HCRTR2: variants seen among roughly 807,000 people sequenced by gnomAD.
HCRTR2 encodes the protein orexin receptor type 2.
Under a neutral mutation model 49.0 loss-of-function variants are expected in HCRTR2, and 22 were observed. The ratio of observed to expected loss-of-function variants is 0.45; its 90% CI spans 0.32 to 0.64. HCRTR2 has a LOEUF of 0.64. HCRTR2 is among the 30% of genes least tolerant of loss of function. The pLI, the probability that HCRTR2 is intolerant of heterozygous loss-of-function variation, is 0.04. For missense variants in HCRTR2, 491 were observed against 559.4 expected (o/e 0.88, Z 1.23); for synonymous variants, 236 against 205.3 (o/e 1.15, Z -1.28).
chr6:55,229,570 C>A (rs1372992497), intron 1 of HCRTR2, among the ~76,000 whole-genome samples: 3 of 152,074 alleles, frequency 2.0e-5, no homozygotes, highest in African/African-American at 7.2e-5. Flanking sequence ...AGAAGGGTAT[C>A]TTTCTGAATG....
chr6:55,196,946 G>A (rs2127281709), intron 1 of HCRTR2, among the ~76,000 whole-genome samples: 1 of 152,110 alleles, frequency 6.6e-6, no homozygotes, highest in South Asian at 2.1e-4. Context: ...AAATTTACCT[G>A]CAAGCCTGAT....
At chr6:55,216,958 T>C (rs575161604) in intron 1 of HCRTR2, among the ~76,000 whole-genome samples, 10 of 152,290 alleles carry the variant, frequency 6.6e-5, no homozygotes, top group African/African-American at 2.2e-4. Context: ...ACTCTTGCAT[T>C]CTGTATCCCT....
chr6:55,197,149 C>T (rs543473521), intron 1 of HCRTR2, among the ~76,000 whole-genome samples: 2 of 152,202 alleles, frequency 1.3e-5, no homozygotes, highest in Admixed American at 6.5e-5. Context: ...AATTAACTAA[C>T]AATTTTATCT....
At chr6:55,209,925 C>T (rs1026263439) in intron 1 of HCRTR2, among the ~76,000 whole-genome samples, 28 of 152,076 alleles carry the variant, frequency 1.8e-4, no homozygotes, top group African/African-American at 3.6e-4. Flanking sequence ...ACAATGTATT[C>T]GGTTAGAACA....
At chr6:55,241,978 C>A (rs1169592919) in intron 1 of HCRTR2, among the ~76,000 whole-genome samples, 2 of 150,298 alleles carry the variant, frequency 1.3e-5, no homozygotes, top group Non-Finnish European at 3.0e-5. Context: ...AAGCGATTCT[C>A]CTGCCTCAGC....
At chr6:55,136,688 T>C (rs1764439146) in intron 1 of HCRTR2, among the ~76,000 whole-genome samples, 1 of 152,176 alleles carries the variant, frequency 6.6e-6, no homozygotes, top group East Asian at 1.9e-4. Flanking sequence ...AATTCAAGTC[T>C]CCTGCATCCA....
chr6:55,238,624 A>G (rs1268034407), intron 1 of HCRTR2, among the ~76,000 whole-genome samples: 1 of 152,156 alleles, frequency 6.6e-6, no homozygotes, highest in African/African-American at 2.4e-5. Context: ...TGAAAGATAG[A>G]ACATCTATAA....
At chr6:55,152,854 A>G (rs145834252) in intron 1 of HCRTR2, among the ~76,000 whole-genome samples, 2 of 152,120 alleles carry the variant, frequency 1.3e-5, no homozygotes, top group East Asian at 3.9e-4. Context: ...ATTACATTAC[A>G]TAGGTTGACT....
At chr6:55,227,696 AATACTTGAT>A (rs1739657491) in intron 1 of HCRTR2, among the ~76,000 whole-genome samples, 1 of 152,206 alleles carries the variant, frequency 6.6e-6, no homozygotes, top group African/African-American at 2.4e-5. Flanking sequence ...CATGGTGCAT[AATACTTGAT>A]ATAAATTAGA....
At chr6:55,240,337 G>T (rs1385618381) in intron 1 of HCRTR2, among the ~76,000 whole-genome samples, 1 of 110,658 alleles carries the variant, frequency 9.0e-6, no homozygotes, top group East Asian at 3.0e-4. Context: ...CGGCCTGGAC[G>T]AAAGAGCGAG....
chr6:55,126,920 C>A (rs1474037428), intron 1 of HCRTR2, among the ~76,000 whole-genome samples: 2 of 152,102 alleles, frequency 1.3e-5, no homozygotes, highest in East Asian at 3.9e-4. Flanking sequence ...CTCCCTCTAC[C>A]AAGCTCAAGA....
chr6:55,268,840 C>A (rs1766912757), intron 4 of HCRTR2, among the ~76,000 whole-genome samples: 1 of 151,948 alleles, frequency 6.6e-6, no homozygotes, highest in Admixed American at 6.6e-5. Flanking sequence ...CCTGTAATCC[C>A]AGCACTTTGG....
chr6:55,126,870 G>A (rs890572690), intron 1 of HCRTR2, among the ~76,000 whole-genome samples: 20 of 152,136 alleles, frequency 1.3e-4, no homozygotes, highest in Non-Finnish European at 2.2e-4. Flanking sequence ...TACTGTGAGT[G>A]TAAAACTGCC....
At chr6:55,199,898 A>G (rs1765480917) in intron 1 of HCRTR2, among the ~76,000 whole-genome samples, 1 of 152,200 alleles carries the variant, frequency 6.6e-6, no homozygotes, top group Non-Finnish European at 1.5e-5. Context: ...TATTCACTGC[A>G]TACTATCAAT....
At chr6:55,135,726 G>A (rs1051217106) in intron 1 of HCRTR2, among the ~76,000 whole-genome samples, 2 of 152,154 alleles carry the variant, frequency 1.3e-5, no homozygotes. Flanking sequence ...ATTTACCCAT[G>A]TTATAGATGA....
chr6:55,283,675 G>T (rs190415486), downstream of HCRTR2, among the ~76,000 whole-genome samples: 1 of 152,208 alleles, frequency 6.6e-6, no homozygotes, highest in African/African-American at 2.4e-5. Context: ...AAAAGTAAAA[G>T]AAGTGTTTAT....
chr6:55,151,800 A>T (rs1244723650), intron 1 of HCRTR2, among the ~76,000 whole-genome samples: 1 of 151,928 alleles, frequency 6.6e-6, no homozygotes, highest in Non-Finnish European at 1.5e-5. Context: ...TCTTAAAAAA[A>T]AAAACACTTA....
At chr6:55,232,716 T>A (rs1204126701) in intron 1 of HCRTR2, among the ~76,000 whole-genome samples, 8 of 152,216 alleles carry the variant, frequency 5.3e-5, no homozygotes, top group Non-Finnish European at 1.0e-4. Flanking sequence ...TCATCCATTA[T>A]GTTCCAAGCT....
At chr6:55,108,799 G>A (rs1051037358) in intron 1 of HCRTR2, among the ~76,000 whole-genome samples, 14 of 152,040 alleles carry the variant, frequency 9.2e-5, no homozygotes, top group Admixed American at 9.2e-4. Context: ...TCAACAGAGT[G>A]CAAATTTTCC....
Sources: allele counts gnomAD v4.1 joint callset (sites outside exome capture counted in the v4.1 genomes callset), GRCh38; gene constraint gnomAD v4.1.1; transcripts MANE v1.5; gene names NCBI Gene and HGNC (gene_info 2026-07-23, HGNC 2026-07-21).